Variants in DISC1 observed in about 807,000 individuals in gnomAD.
DISC1 encodes disrupted in schizophrenia 1 protein.
Under a neutral mutation model 84.5 loss-of-function variants are expected in DISC1, and 57 were observed. That is an observed-to-expected ratio of 0.67 (90% confidence interval 0.55 to 0.84). DISC1 has a LOEUF of 0.84. DISC1 is among the 40% of genes least tolerant of loss of function. The pLI, the probability that DISC1 is intolerant of heterozygous loss-of-function variation, is 0.00. For synonymous variants in DISC1, 411 were observed against 415.2 expected (o/e 0.99, Z 0.12); for missense variants, 1,000 against 1,057.8 (o/e 0.95, Z 0.76).
At chr1:231,909,574 A>G (rs2089001283) in intron 9 of DISC1, among the ~76,000 whole-genome samples, 1 of 152,196 alleles carries the variant, frequency 6.6e-6, no homozygotes, top group Non-Finnish European at 1.5e-5. Flanking sequence ...TCTGTTTGCC[A>G]GTATTTTATT....
chr1:231,844,079 G>A (rs116018842), intron 9 of DISC1, among the ~76,000 whole-genome samples: 355 of 152,312 alleles, frequency 2.3e-3, no homozygotes, highest in Middle Eastern at 3.4e-3. Context: ...TGTGGTCAGG[G>A]ATGAGGGAGG....
At chr1:231,745,541 T>C in intron 3 of DISC1, 1 of 179,506 alleles carries the variant, frequency 5.6e-6, no homozygotes, top group Non-Finnish European at 1.2e-5. Context: ...ATTATCTTTT[T>C]GTGTTGGGAA....
chr1:232,011,865 G>T (rs748616156), intron 11 of DISC1, among the ~76,000 whole-genome samples: 4 of 152,134 alleles, frequency 2.6e-5, no homozygotes, highest in Admixed American at 6.5e-5. Flanking sequence ...CTATCAAAAC[G>T]CAGTGTGGCC....
chr1:231,720,254 G>C (rs1056458264), intron 3 of DISC1, among the ~76,000 whole-genome samples: 1 of 152,118 alleles, frequency 6.6e-6, no homozygotes, highest in African/African-American at 2.4e-5. Flanking sequence ...CCCCACTATA[G>C]TCTTTTGACT....
intron 10 of DISC1, 126 bp from the exon 11 acceptor site, chr1:232,008,659 C>A: frequency 8.8e-7 from 1 of 1,140,736 alleles, no homozygotes; most frequent in Non-Finnish European, 1.2e-6. Flanking sequence ...TAATTTATCA[C>A]TGTGAAATTA....
intron 1 of DISC1, among the ~76,000 whole-genome samples, chr1:231,682,650 T>G (rs1279709347): frequency 3.9e-5 from 6 of 152,186 alleles, no homozygotes; most frequent in African/African-American, 1.4e-4. Context: ...ATATACATGT[T>G]TTTTTTAGAT....
intron 9 of DISC1, among the ~76,000 whole-genome samples, chr1:231,842,891 G>A (rs552209860): frequency 7.3e-4 from 111 of 152,250 alleles, no homozygotes; most frequent in Non-Finnish European, 5.7e-4. Flanking sequence ...TTGTGACAGC[G>A]GGAGACCCTG....
intron 9 of DISC1, among the ~76,000 whole-genome samples, chr1:231,820,270 T>C (rs1247465469): frequency 6.6e-6 from 1 of 152,200 alleles, no homozygotes; most frequent in Non-Finnish European, 1.5e-5. Context: ...CCTGAATACA[T>C]TGAAGCTTTT....
chr1:231,692,654 G>A (rs933163022), intron 1 of DISC1, among the ~76,000 whole-genome samples: 3 of 152,224 alleles, frequency 2.0e-5, no homozygotes, highest in African/African-American at 7.2e-5. Flanking sequence ...GATTACAGCT[G>A]TGCCTAGTGC....
At chr1:231,844,125 T>C (rs1262174209) in intron 9 of DISC1, among the ~76,000 whole-genome samples, 4 of 152,184 alleles carry the variant, frequency 2.6e-5, no homozygotes, top group Non-Finnish European at 5.9e-5. Context: ...GGATTGTTTT[T>C]GTTTGTGGGG....
intron 1 of DISC1, among the ~76,000 whole-genome samples, chr1:231,643,557 G>C (rs1339478758): frequency 6.6e-6 from 1 of 152,102 alleles, no homozygotes; most frequent in Non-Finnish European, 1.5e-5. Context: ...GATGTGTAGA[G>C]TTTCAAGTAC....
Position 231,966,468 on chromosome 1 carries a change from G to T in DISC1, c.2042+7580G>T, listed in dbSNP as rs376806597. 6.5e-4 allele frequency among the ~76,000 whole-genome samples: 99 copies of T among 152,292 alleles called. 2 individuals carry two copies. The highest frequency in any genetic ancestry group is 2.3e-3 in the African/African-American group (95 of 41,558). On this transcript the variant is annotated intron_variant, in intron 10 of 12. Transcript: ENST00000439617. ...AATATTCAGAAGGCTTTACTTTATA[G>T]ATGGGTTCCTGTTGAAATGGATCTT...
intron 8 of DISC1, among the ~76,000 whole-genome samples, chr1:231,812,841 A>C (rs1219659968): frequency 6.6e-6 from 1 of 152,182 alleles, no homozygotes; most frequent in Non-Finnish European, 1.5e-5. Flanking sequence ...TGCATCAAGC[A>C]AGGTCTTGGT....
Position 232,009,678 on chromosome 1 carries a change from C to T in DISC1, c.2307+629C>T, listed in dbSNP as rs821619. 229,160 of 800,924 alleles carry T rather than the reference C, an allele frequency of 0.29. 33,134 individuals carry two copies. The highest frequency in any genetic ancestry group is 0.33 in the African/African-American group (17,615 of 53,354). 49.6% of individuals were successfully genotyped at this position (800,924 alleles called of 1,614,324 possible). A position where few individuals can be genotyped will look rare whatever the true frequency, so the allele number is the denominator to read the frequency against. ...AACTTTCTTTTTCTCTCCCCTCTTT[C>T]CTCTCTCCCTTCCCCTTCCACTCCT... On this transcript the variant is annotated intron_variant, in intron 11 of 12. Coordinates refer to ENST00000439617, the MANE Select transcript of DISC1 (RefSeq NM_018662.3). This position sits in a 1 kb window ranked among gnomAD's most constrained non-coding sequence, Gnocchi z 4.6.
At chr1:231,725,755 G>A (rs530891909) in intron 3 of DISC1, among the ~76,000 whole-genome samples, 7 of 152,076 alleles carry the variant, frequency 4.6e-5, no homozygotes, top group East Asian at 1.9e-4. Flanking sequence ...GGTATTTTCC[G>A]TTTGCTGAGA....
At chr1:231,738,973 CT>C (rs992331523) in intron 3 of DISC1, among the ~76,000 whole-genome samples, 1 of 152,202 alleles carries the variant, frequency 6.6e-6, no homozygotes, top group Non-Finnish European at 1.5e-5. Context: ...TGTACTGCCC[CT>C]GCCTCAGCCC....
intron 9 of DISC1, among the ~76,000 whole-genome samples, chr1:231,821,010 C>T (rs1373471394): frequency 6.6e-6 from 1 of 152,182 alleles, no homozygotes; most frequent in Non-Finnish European, 1.5e-5. Flanking sequence ...CTGCATGCAT[C>T]ACTTAAAATA....
intron 12 of DISC1, 32 bp downstream of exon 12, chr1:232,026,584 CAA>C (rs1669483055): frequency 4.0e-6 from 6 of 1,500,786 alleles, no homozygotes; most frequent in Admixed American, 1.9e-5. Flanking sequence ...TGAAGCAAGG[CAA>C]AGTTATTTTA....
At chr1:232,015,285 C>T (rs1417236216) in intron 11 of DISC1, among the ~76,000 whole-genome samples, 1 of 151,982 alleles carries the variant, frequency 6.6e-6, no homozygotes, top group East Asian at 1.9e-4. Flanking sequence ...CTCACGGTGG[C>T]CCTTTTTCCA....
Sources: allele counts gnomAD v4.1 joint callset (sites outside exome capture counted in the v4.1 genomes callset), GRCh38; gene constraint gnomAD v4.1.1; non-coding constraint Gnocchi (gnomAD v3.1); transcripts MANE v1.5; gene names NCBI Gene and HGNC (gene_info 2026-07-23, HGNC 2026-07-21).